Variants in RPGRIP1L observed in about 807,000 individuals in gnomAD.
RPGRIP1L encodes protein fantom.
A neutral mutation model predicts 160.4 loss-of-function variants in RPGRIP1L; 131 were observed. That is an observed-to-expected ratio of 0.82 (90% CI 0.71 to 0.94). RPGRIP1L has a LOEUF of 0.94. RPGRIP1L is among the 40% of genes least tolerant of loss of function. RPGRIP1L has a pLI of 0.00. For synonymous variants in RPGRIP1L, 510 were observed against 515.8 expected, an observed-to-expected ratio of 0.99 and a Z score of 0.15; for missense variants, 1,522 against 1,535.8, an observed-to-expected ratio of 0.99 and a Z score of 0.15.
At chr16:53,697,200 G>GA (rs757067115) in intron 2 of RPGRIP1L, among the ~76,000 whole-genome samples, 1 of 150,910 alleles carries the variant, frequency 6.6e-6, no homozygotes, top group Non-Finnish European at 1.5e-5. Context: ...AAAAAAAAAA[G>GA]AAAGAAAAGA....
intron 22 of RPGRIP1L, among the ~76,000 whole-genome samples, chr16:53,624,108 T>G (rs1027226979): frequency 6.6e-6 from 1 of 152,050 alleles, no homozygotes; most frequent in African/African-American, 2.4e-5. Context: ...CCCGGACTGG[T>G]CTCAAACTCC....
At chr16:53,660,706 C>T (rs1407373578) in intron 10 of RPGRIP1L, among the ~76,000 whole-genome samples, 3 of 151,200 alleles carry the variant, frequency 2.0e-5, no homozygotes, top group Non-Finnish European at 4.4e-5. Flanking sequence ...CCAGCCTGAC[C>T]AACATGGTGA....
intron 3 of RPGRIP1L, among the ~76,000 whole-genome samples, chr16:53,693,120 C>T (rs549059836): frequency 2.0e-5 from 3 of 152,222 alleles, no homozygotes; most frequent in Non-Finnish European, 2.9e-5. Context: ...GTAATATACA[C>T]GTACGGAAAA....
chr16:53,694,194 G>A (rs960050958), intron 3 of RPGRIP1L: 1 of 152,076 alleles, frequency 6.6e-6, no homozygotes, highest in Non-Finnish European at 1.5e-5. Flanking sequence ...AACACTTTGG[G>A]AGGCCAAGGC....
intron 24 of RPGRIP1L, among the ~76,000 whole-genome samples, chr16:53,617,374 G>T (rs1018792637): frequency 1.3e-5 from 2 of 152,048 alleles, no homozygotes; most frequent in East Asian, 3.9e-4. Flanking sequence ...TTTTCTTGGG[G>T]TATCTTTCTT....
Position 53,664,891 on chromosome 16 carries a change from C to T in RPGRIP1L, c.1222G>A (p.Asp408Asn). 1 of 1,611,696 alleles carries T rather than the reference C, an allele frequency of 6.2e-7. No individual in the cohort carries two copies. Among genetic ancestry groups the T allele is most frequent in the Non-Finnish European group, 8.5e-7 (1 of 1,179,884 alleles). ...GTACCTCTTTCAGTTTTTAATCTGT[C>T]AAGGATTTCAGTTTTGTCTGTTAAG... ...SDLTDKTEIL[D>N]RLKTERDQNE... is the part of the protein sequence containing the mutation. The change falls in exon 10 of 27, where the codon GAC becomes AAC. Residue 408 changes from aspartate to asparagine, a missense_variant. By Grantham distance (23) the Asp-to-Asn change is conservative. Transcript: ENST00000647211.
At chr16:53,657,232 C>T (rs976573598) in intron 13 of RPGRIP1L, among the ~76,000 whole-genome samples, 11 of 151,660 alleles carry the variant, frequency 7.3e-5, no homozygotes, top group Non-Finnish European at 1.0e-4. Context: ...AACAGCAAAA[C>T]TCTGTCTCAA....
intron 3 of RPGRIP1L, chr16:53,695,883 C>T: frequency 1.1e-5 from 4 of 350,630 alleles, no homozygotes; most frequent in South Asian, 3.8e-5. Flanking sequence ...AATATTAAAC[C>T]AAAAGTTATT....
intron 4 of RPGRIP1L, among the ~76,000 whole-genome samples, chr16:53,690,963 C>CT (rs901918753): frequency 6.6e-6 from 1 of 152,184 alleles, no homozygotes; most frequent in Admixed American, 6.5e-5. Flanking sequence ...TAGCCAAGCC[C>CT]TTTCATCCTG....
chr16:53,652,754 T>C lies in RPGRIP1L; in HGVS notation c.1933A>G (p.Thr645Ala). ...GGATGAAGGCCTCGCACTACGGGAG[T>C]TGTCTGTAGTTCAAAATCATAGAAA... The part of the protein sequence containing the change: ...YAFYDFELQT[T>A]PVVRGLHPEY... The change falls in exon 15 of 27, where the codon ACT becomes GCT. Residue 645 changes from threonine (T) to alanine (A), a missense_variant. Physicochemically the swap from Thr to Ala is moderately conservative, Grantham distance 58 (BLOSUM62 0). Coordinates refer to ENST00000647211, the MANE Select transcript of RPGRIP1L (RefSeq NM_015272.5). 1.2e-6 allele frequency: 2 copies of C among 1,613,742 alleles called. No homozygotes were observed. Among genetic ancestry groups the C allele is most frequent in the Non-Finnish European group, 1.7e-6 (2 of 1,179,788 alleles).
At chr16:53,618,735 C>T (rs1265447503) in intron 24 of RPGRIP1L, among the ~76,000 whole-genome samples, 1 of 151,824 alleles carries the variant, frequency 6.6e-6, no homozygotes, top group African/African-American at 2.4e-5. Context: ...TTTGTAGAGA[C>T]GAGGTTTTGC....
chr16:53,625,867 T>C (rs35343031), intron 22 of RPGRIP1L, among the ~76,000 whole-genome samples: 7,789 of 152,140 alleles, frequency 0.051, 410 homozygotes, highest in East Asian at 0.31. Flanking sequence ...CTCTGAAACA[T>C]GTGCTGTGTC....
Position 53,665,059 on chromosome 16 carries a change from C to T in RPGRIP1L, c.1104-50G>A, listed in dbSNP as rs367601159. ...GGAAAGCTTGGAAATCAGCTTCAAC[C>T]GAAAATAATAAAGAGAAAAGCTTTT... On this transcript the variant is annotated intron_variant, in intron 9 of 26. Coordinates refer to ENST00000647211, the MANE Select transcript of RPGRIP1L (RefSeq NM_015272.5). 17 of 1,609,058 alleles carry T rather than the reference C, an allele frequency of 1.1e-5. 1 individual carries two copies. The highest frequency in any genetic ancestry group is 2.2e-5 in the South Asian group (2 of 90,868).
chr16:53,697,646 T>A (rs1347893509), intron 2 of RPGRIP1L, among the ~76,000 whole-genome samples: 2 of 152,156 alleles, frequency 1.3e-5, no homozygotes, highest in African/African-American at 2.4e-5. Context: ...TTGCAGACGG[T>A]GTCTGGTTCA....
chr16:53,699,436 AGAAGGTC>A (rs1331308272), intron 2 of RPGRIP1L, among the ~76,000 whole-genome samples: 1 of 151,810 alleles, frequency 6.6e-6, no homozygotes, highest in Non-Finnish European at 1.5e-5. Flanking sequence ...ATCATTGTGA[AGAAGGTC>A]GATTTTCAAC....
chr16:53,609,460 AAC>A (rs1963890905), intron 25 of RPGRIP1L, among the ~76,000 whole-genome samples: 2 of 152,066 alleles, frequency 1.3e-5, no homozygotes, highest in Non-Finnish European at 2.9e-5. Flanking sequence ...AGGCAGGTCT[AAC>A]ACAAAAGCAG....
chr16:53,699,775 G>A (rs4591140), intron 2 of RPGRIP1L, among the ~76,000 whole-genome samples: 24,997 of 141,002 alleles, frequency 0.18, 2,166 homozygotes, highest in Middle Eastern at 0.27. Context: ...CGGAGGTCGC[G>A]CCACTGCACT....
intron 22 of RPGRIP1L, among the ~76,000 whole-genome samples, chr16:53,634,477 C>T (rs879369593): frequency 4.6e-5 from 7 of 152,110 alleles, no homozygotes; most frequent in Admixed American, 1.3e-4. Flanking sequence ...ATGGTTTGTT[C>T]GTCTCCACCA....
At chr16:53,603,674 A>ATATG (rs1555583055) in intron 26 of RPGRIP1L, among the ~76,000 whole-genome samples, 3 of 147,956 alleles carry the variant, frequency 2.0e-5, no homozygotes, top group Non-Finnish European at 4.5e-5. Context: ...TTGAACTTTA[A>ATATG]TGTGTGTGTG....
Sources: gnomAD v4.1 joint callset for allele counts (sites outside exome capture counted in the v4.1 genomes callset) on GRCh38, gnomAD v4.1.1 for gene constraint, MANE v1.5 for transcripts, NCBI Gene and HGNC (gene_info 2026-07-23, HGNC 2026-07-21) for gene names.